The following FNBP1L variants were observed in gnomAD, a reference collection of about 807,000 sequenced individuals.
The protein encoded by FNBP1L is formin-binding protein 1-like.
A neutral mutation model predicts 91.2 loss-of-function variants in FNBP1L; 36 were observed. The ratio of observed to expected loss-of-function variants is 0.39; its 90% CI spans 0.30 to 0.52. FNBP1L has a LOEUF of 0.52. Ranked by LOEUF, FNBP1L falls within the 20% of genes least tolerant of loss-of-function variation. The probability of loss-of-function intolerance (pLI) is 0.66; values close to 1 mark genes in which losing one functional copy is unlikely to be tolerated. For missense variants in FNBP1L, 571 were observed against 732.1 expected (o/e 0.78, Z 2.54); for synonymous variants, 242 against 237.0 (o/e 1.02, Z -0.19).
intron 2 of FNBP1L, among the ~76,000 whole-genome samples, chr1:93,501,777 C>A (rs778192491): frequency 6.6e-6 from 1 of 152,050 alleles, no homozygotes; most frequent in African/African-American, 2.4e-5. Flanking sequence ...TGATCCTGCA[C>A]CTTCAAGAAA....
chr1:93,454,951 C>T (rs1347811775), intron 1 of FNBP1L, among the ~76,000 whole-genome samples: 1 of 150,574 alleles, frequency 6.6e-6, no homozygotes, highest in East Asian at 1.9e-4. Context: ...ATTTTTGAGA[C>T]GGAGTCTCGC....
At chr1:93,519,229 TC>T (rs922769351) in intron 2 of FNBP1L, among the ~76,000 whole-genome samples, 18 of 152,194 alleles carry the variant, frequency 1.2e-4, no homozygotes, top group African/African-American at 3.9e-4. Flanking sequence ...TCTGCTTCGT[TC>T]CCCTCTTACT....
At chr1:93,451,753 G>A (rs1668503049) in intron 1 of FNBP1L, among the ~76,000 whole-genome samples, 1 of 152,068 alleles carries the variant, frequency 6.6e-6, no homozygotes, top group Non-Finnish European at 1.5e-5. Context: ...CCTGGTTCAA[G>A]CCATTCTCCC....
At chr1:93,494,988 C>G (rs931277903) in intron 1 of FNBP1L, among the ~76,000 whole-genome samples, 3 of 150,922 alleles carry the variant, frequency 2.0e-5, no homozygotes, top group Non-Finnish European at 4.4e-5. Context: ...AGTTACCTCC[C>G]GTGAAGTCCA....
rs1672513600 is a variant in FNBP1L, at chr1:93,554,529, C to A, written c.*2113C>A. 1.3e-5 allele frequency: 2 copies of A among 152,700 alleles called. No individual in the cohort carries two copies. Among genetic ancestry groups the A allele is most frequent in the South Asian group, 2.1e-4 (1 of 4,822 alleles). The allele number at this position is 152,700 out of a possible 1,614,324, so 9.5% of individuals were successfully genotyped here. A position where few individuals can be genotyped will look rare whatever the true frequency, so the allele number is the denominator to read the frequency against. On this transcript the variant is annotated 3_prime_UTR_variant, in exon 17 of 17. Coordinates refer to ENST00000271234, the MANE Select transcript of FNBP1L (RefSeq NM_001164473.3). ...GAACATGTGAATTGTCCCAAAAAATCTTTAATTTTTTGGTAATTTTTACTC... is the reference window on the plus strand; with the variant it reads ...GAACATGTGAATTGTCCCAAAAAATATTTAATTTTTTGGTAATTTTTACTC...
chr1:93,456,775 C>T (rs917676757), intron 1 of FNBP1L, among the ~76,000 whole-genome samples: 2 of 149,692 alleles, frequency 1.3e-5, no homozygotes, highest in African/African-American at 4.9e-5. Flanking sequence ...AAGACCCTGT[C>T]TCAAAAAAAA....
intron 1 of FNBP1L, among the ~76,000 whole-genome samples, chr1:93,460,945 CAATT>C (rs1040155249): frequency 6.6e-6 from 1 of 152,064 alleles, no homozygotes; most frequent in African/African-American, 2.4e-5. Flanking sequence ...TTTTACTTGT[CAATT>C]AAAAATAAAA....
Position 93,554,534 on chromosome 1 carries a change from A to G in FNBP1L, c.*2118A>G, listed in dbSNP as rs1292549593. The G allele has an allele frequency of 1.3e-5, 2 of 152,600 alleles. No individual in the cohort carries two copies. The highest frequency in any genetic ancestry group is 2.9e-5 in the Non-Finnish European group (2 of 68,026). 9.5% of individuals were successfully genotyped at this position (152,600 alleles called of 1,614,324 possible). ...TGTGAATTGTCCCAAAAAATCTTTAATTTTTTGGTAATTTTTACTCTTTTT... is the reference window on the plus strand; with the variant it reads ...TGTGAATTGTCCCAAAAAATCTTTAGTTTTTTGGTAATTTTTACTCTTTTT... On this transcript the variant is annotated 3_prime_UTR_variant, in exon 17 of 17. Transcript: ENST00000271234.
chr1:93,516,297 C>A (rs909829855), intron 2 of FNBP1L, among the ~76,000 whole-genome samples: 2 of 152,132 alleles, frequency 1.3e-5, no homozygotes, highest in Non-Finnish European at 2.9e-5. Flanking sequence ...CGGATTTGAA[C>A]CGGGGACCTC....
chr1:93,502,844 G>A (rs1358070945), intron 2 of FNBP1L, among the ~76,000 whole-genome samples: 2 of 152,194 alleles, frequency 1.3e-5, no homozygotes, highest in Non-Finnish European at 2.9e-5. Flanking sequence ...AGAGTTGAGA[G>A]AAGGCATGTT....
chr1:93,491,702 G>A (rs1052596612), intron 1 of FNBP1L, among the ~76,000 whole-genome samples: 4 of 152,116 alleles, frequency 2.6e-5, no homozygotes, highest in African/African-American at 9.7e-5. Flanking sequence ...TACCTTTATG[G>A]TGCCTTTTAA....
intron 12 of FNBP1L, 115 bp from the exon 13 acceptor site, chr1:93,546,727 G>T: frequency 9.2e-7 from 1 of 1,086,282 alleles, no homozygotes; most frequent in Non-Finnish European, 1.3e-6. Context: ...AACTTAAAAA[G>T]ATGTGACTCT....
intron 1 of FNBP1L, among the ~76,000 whole-genome samples, chr1:93,461,093 A>G (rs1174373007): frequency 6.6e-6 from 1 of 151,940 alleles, no homozygotes; most frequent in African/African-American, 2.4e-5. Context: ...TGATTCCAGG[A>G]CTCTGGAAAG....
intron 12 of FNBP1L, 134 bp from the exon 13 acceptor site, chr1:93,546,708 T>C (rs889665942): frequency 3.4e-6 from 3 of 879,640 alleles, no homozygotes; most frequent in Admixed American, 5.7e-5. Context: ...AATCAGGTCA[T>C]GTTAGACAAA....
intron 5 of FNBP1L, among the ~76,000 whole-genome samples, chr1:93,529,225 A>G (rs1382666253): frequency 2.0e-5 from 3 of 152,032 alleles, no homozygotes; most frequent in Non-Finnish European, 1.5e-5. Flanking sequence ...TATAAAACAC[A>G]CATTTTTTGA....
At chr1:93,485,733 G>T (rs915152995) in intron 1 of FNBP1L, among the ~76,000 whole-genome samples, 1 of 152,156 alleles carries the variant, frequency 6.6e-6, no homozygotes, top group African/African-American at 2.4e-5. Flanking sequence ...GTCTCTCTCT[G>T]TTGCCCAGGC....
intron 1 of FNBP1L, among the ~76,000 whole-genome samples, chr1:93,457,005 C>T (rs1366400234): frequency 6.6e-6 from 1 of 152,118 alleles, no homozygotes; most frequent in Non-Finnish European, 1.5e-5. Flanking sequence ...CCTCCATCCT[C>T]AGCCTCCTGA....
intron 1 of FNBP1L, among the ~76,000 whole-genome samples, chr1:93,484,822 G>A (rs763763418): frequency 1.3e-5 from 2 of 152,206 alleles, no homozygotes; most frequent in Non-Finnish European, 2.9e-5. Flanking sequence ...GGGAGGCAGA[G>A]CAGTGCTGAA....
intron 7 of FNBP1L, 114 bp downstream of exon 7, chr1:93,530,997 G>A: frequency 1.2e-6 from 1 of 825,946 alleles, no homozygotes; most frequent in Non-Finnish European, 1.8e-6. Context: ...CAGGGTTGGG[G>A]TGAGAGATTC....
Sources: gnomAD v4.1 joint callset for allele counts (sites outside exome capture counted in the v4.1 genomes callset) on GRCh38, gnomAD v4.1.1 for gene constraint, MANE v1.5 for transcripts, NCBI Gene and HGNC (gene_info 2026-07-23, HGNC 2026-07-21) for gene names.